The following TMCC3 variants were observed in gnomAD, a reference collection of about 807,000 sequenced individuals.
TMCC3 encodes transmembrane and coiled-coil domain family 3.
In TMCC3, 28 loss-of-function variants were observed where a neutral mutation model predicts 40.2. The observed-to-expected ratio is 0.70, with a 90% CI of 0.52 to 0.95. The LOEUF (loss-of-function observed/expected upper bound fraction) is 0.95. Among genes scored for constraint, TMCC3 ranks in the 40% least tolerant of loss-of-function variants. TMCC3 has a pLI of 0.00. For synonymous variants in TMCC3, 255 were observed against 248.5 expected, an observed-to-expected ratio of 1.03 and a Z score of -0.25; for missense variants, 554 against 615.2, an observed-to-expected ratio of 0.90 and a Z score of 1.05.
intron 1 of TMCC3, among the ~76,000 whole-genome samples, chr12:94,645,813 G>C (rs1357331054): frequency 6.6e-6 from 1 of 152,152 alleles, no homozygotes; most frequent in African/African-American, 2.4e-5. Context: ...GCTCCTGTAA[G>C]CATTTCCTTT....
At chr12:94,637,305 T>G (rs1011280259) in intron 1 of TMCC3, among the ~76,000 whole-genome samples, 1 of 152,224 alleles carries the variant, frequency 6.6e-6, no homozygotes, top group Non-Finnish European at 1.5e-5. Flanking sequence ...TGTACTATTT[T>G]GTGCAAATTT....
At chr12:94,628,916 A>C (rs1337251044) in intron 1 of TMCC3, among the ~76,000 whole-genome samples, 3 of 152,148 alleles carry the variant, frequency 2.0e-5, no homozygotes, top group African/African-American at 7.2e-5. Flanking sequence ...TGGCACTATA[A>C]TTTCTTGAGT....
intron 1 of TMCC3, among the ~76,000 whole-genome samples, chr12:94,593,602 T>C (rs1223537233): frequency 2.0e-5 from 3 of 151,648 alleles, no homozygotes; most frequent in Admixed American, 1.3e-4. Flanking sequence ...TGCAAATTAA[T>C]AGTGTAAAGG....
chr12:94,634,303 CA>C (rs577870159), intron 1 of TMCC3, among the ~76,000 whole-genome samples: 1 of 151,438 alleles, frequency 6.6e-6, no homozygotes. Context: ...CCCAAACATG[CA>C]AAAAATTATT....
intron 3 of TMCC3, among the ~76,000 whole-genome samples, chr12:94,572,320 TTTTTTTTTGA>T (rs1452742884): frequency 5.0e-5 from 6 of 120,352 alleles, no homozygotes; most frequent in South Asian, 6.1e-4. Context: ...TTTTTTTTTT[TTTTTTTTTGA>T]GACAGAGTTT....
chr12:94,574,838 G>A (rs1221275149), intron 3 of TMCC3, among the ~76,000 whole-genome samples: 3 of 152,160 alleles, frequency 2.0e-5, no homozygotes, highest in Non-Finnish European at 4.4e-5. Context: ...AACCTTTTAG[G>A]AAAATCCATG....
At chr12:94,616,198 A>G (rs1179966710) in intron 1 of TMCC3, 2 of 629,122 alleles carry the variant, frequency 3.2e-6, no homozygotes, top group Non-Finnish European at 4.0e-6. Flanking sequence ...CTCTTTGTGC[A>G]GTCAGCAGAA....
chr12:94,588,596 A>C (rs898507420), intron 1 of TMCC3, among the ~76,000 whole-genome samples: 25 of 152,208 alleles, frequency 1.6e-4, no homozygotes, highest in African/African-American at 6.0e-4. Context: ...GTGAGTGAAG[A>C]TTTATGCATA....
chr12:94,648,238 T>TTATTTATG (rs2138891645), intron 1 of TMCC3, among the ~76,000 whole-genome samples: 2 of 152,024 alleles, frequency 1.3e-5, no homozygotes, highest in African/African-American at 4.8e-5. Context: ...ATTTATTTAT[T>TTATTTATG]TATTTATTTA....
chr12:94,594,455 A>T (rs2068703218), intron 1 of TMCC3, among the ~76,000 whole-genome samples: 1 of 152,068 alleles, frequency 6.6e-6, no homozygotes, highest in Non-Finnish European at 1.5e-5. Context: ...TTAGTTCCTA[A>T]CTCAGAAGGA....
At chr12:94,637,818 A>T (rs1411226841) in intron 1 of TMCC3, among the ~76,000 whole-genome samples, 1 of 152,240 alleles carries the variant, frequency 6.6e-6, no homozygotes, top group African/African-American at 2.4e-5. Context: ...ATATGGATCA[A>T]GAGTAGAATA....
intron 1 of TMCC3, among the ~76,000 whole-genome samples, chr12:94,592,546 A>G (rs1173204204): frequency 6.7e-6 from 1 of 148,444 alleles, no homozygotes; most frequent in Non-Finnish European, 1.5e-5. Flanking sequence ...CAGGAGGCTG[A>G]GGCAGGAGAA....
intron 1 of TMCC3, among the ~76,000 whole-genome samples, chr12:94,597,122 T>A (rs796343501): frequency 0.016 from 2,169 of 132,288 alleles, 78 homozygotes; most frequent in East Asian, 0.14. Context: ...TCTATTAAAA[T>A]ACATATATAT....
rs762276134 is a variant in TMCC3, at chr12:94,582,123, C to T, written c.494G>A (p.Arg165His). ...ISKDHLKDIH[R>H]SLKDAHVKSR... ...TTTCACGTGGGCATCTTTCAAAGAGCGATGTATATCCTTCAGGTGGTCTTT... is the reference window on the plus strand; with the variant it reads ...TTTCACGTGGGCATCTTTCAAAGAGTGATGTATATCCTTCAGGTGGTCTTT... Residue 165 changes from arginine to histidine, a missense_variant, in exon 2 of 4, where the codon CGC becomes CAC. Arg to His is a conservative substitution (Grantham distance 29, BLOSUM62 0). Transcript: ENST00000261226. The T allele has an allele frequency of 5.6e-6, 9 of 1,613,994 alleles. No individual in the cohort carries two copies. Among genetic ancestry groups the T allele is most frequent in the African/African-American group, 2.7e-5 (2 of 74,892 alleles).
chr12:94,641,913 A>T (rs965721662), intron 1 of TMCC3, among the ~76,000 whole-genome samples: 1 of 150,774 alleles, frequency 6.6e-6, no homozygotes, highest in African/African-American at 2.4e-5. Context: ...GGAACCACAA[A>T]AAATATATAT....
intron 1 of TMCC3, among the ~76,000 whole-genome samples, chr12:94,622,820 TAA>T (rs35944737): frequency 6.9e-4 from 99 of 144,440 alleles, no homozygotes; most frequent in Admixed American, 5.5e-4. Flanking sequence ...AGCTCTTTCT[TAA>T]AAAAAAAAAA....
chr12:94,574,665 G>A (rs779577807), intron 3 of TMCC3, among the ~76,000 whole-genome samples: 7 of 152,196 alleles, frequency 4.6e-5, no homozygotes, highest in Admixed American at 4.6e-4. Context: ...GGCTACCAAC[G>A]AAAAGGATAA....
At position 94,571,517 on chromosome 12, in the gene TMCC3, A is replaced by C; in HGVS notation, c.1352T>G (p.Phe451Cys). The C allele has an allele frequency of 6.2e-7, 1 of 1,614,168 alleles. No homozygotes were observed. Among genetic ancestry groups the C allele is most frequent in the Non-Finnish European group, 8.5e-7 (1 of 1,180,030 alleles). The change falls in exon 4 of 4, where the codon TTT (phenylalanine) becomes TGT (cysteine). Residue 451 changes from phenylalanine (F) to cysteine (C), a missense_variant. Coordinates refer to ENST00000261226, the MANE Select transcript of TMCC3 (RefSeq NM_020698.4). ...AAATATAGCAAGAAGAGTCACGGCA[A>C]AGAAGGTGCCAAGAATGTGGCAGCG... Reference protein sequence around the residue: ...KSRCHILGTFFAVTLLAIFCK... With the variant: ...KSRCHILGTFCAVTLLAIFCK...
chr12:94,625,584 A>T lies in TMCC3; in HGVS notation c.78+24769T>A, dbSNP rs528817137. Among the ~76,000 whole-genome samples, 631 of 134,498 alleles carry T rather than the reference A, an allele frequency of 4.7e-3. 4 individuals carry two copies. Among genetic ancestry groups the T allele is most frequent in the Non-Finnish European group, 7.0e-3 (443 of 63,442 alleles). 88.2% of individuals were successfully genotyped at this position (134,498 alleles called of 152,430 possible). A position where few individuals can be genotyped will look rare whatever the true frequency, so the allele number is the denominator to read the frequency against. ...ACTCCAGTCTGGGCAACAGAGCAAG[A>T]CTCCATCTCAAAAAAAAAAAAAAAA... On this transcript the variant is annotated intron_variant, in intron 1 of 3. Transcript: ENST00000261226.
Sources: allele counts gnomAD v4.1 joint callset (sites outside exome capture counted in the v4.1 genomes callset), GRCh38; gene constraint gnomAD v4.1.1; transcripts MANE v1.5; gene names NCBI Gene and HGNC (gene_info 2026-07-23, HGNC 2026-07-21).